The following BAZ2B variants were observed in gnomAD, a reference collection of about 807,000 sequenced individuals.
BAZ2B encodes the protein bromodomain adjacent to zinc finger domain 2B.
A neutral mutation model predicts 246.0 loss-of-function variants in BAZ2B; 91 were observed. The observed-to-expected ratio is 0.37, with a 90% CI of 0.31 to 0.44. BAZ2B has a LOEUF of 0.44. BAZ2B is among the 20% of genes least tolerant of loss of function. BAZ2B has a pLI of 1.00. For missense variants in BAZ2B, 2,332 were observed against 2,533.7 expected, an observed-to-expected ratio of 0.92 and a Z score of 1.71; for synonymous variants, 855 against 860.0, an observed-to-expected ratio of 0.99 and a Z score of 0.10.
intron 2 of BAZ2B, among the ~76,000 whole-genome samples, chr2:159,528,639 C>T (rs750031829): frequency 5.3e-4 from 80 of 149,666 alleles, no homozygotes; most frequent in African/African-American, 1.9e-3. Context: ...GCCAAGCTCG[C>T]GCCACTGTAC....
At chr2:159,487,780 T>C (rs1208870001) in intron 2 of BAZ2B, among the ~76,000 whole-genome samples, 2 of 142,388 alleles carry the variant, frequency 1.4e-5, no homozygotes, top group African/African-American at 5.2e-5. Flanking sequence ...TCCAATCAGA[T>C]AAAGAAAAAA....
At chr2:159,492,661 G>C (rs2080630381) in intron 2 of BAZ2B, among the ~76,000 whole-genome samples, 1 of 152,042 alleles carries the variant, frequency 6.6e-6, no homozygotes, top group South Asian at 2.1e-4. Context: ...AATATGACAA[G>C]AAAAACAGCA....
At position 159,575,832 on chromosome 2, in the gene BAZ2B, G is replaced by A. The variant is rs540098305; in HGVS notation, c.-45-19967C>T. On this transcript the variant is annotated intron_variant, in intron 1 of 36. Coordinates refer to ENST00000392783, the MANE Select transcript of BAZ2B (RefSeq NM_013450.4). ...TTTCAAAAGAAAAAAATTTTAACAT[G>A]ATTGAATATGAAATCTCCAAAAATA... 4.6e-5 allele frequency among the ~76,000 whole-genome samples: 7 copies of A among 152,188 alleles called. No homozygotes were observed. The South Asian group carries it at 1.5e-3, about 32-fold the overall frequency.
intron 8 of BAZ2B, among the ~76,000 whole-genome samples, chr2:159,436,467 G>A (rs1385527701): frequency 6.6e-6 from 1 of 152,172 alleles, no homozygotes; most frequent in Non-Finnish European, 1.5e-5. Flanking sequence ...ATCCATTTGG[G>A]GCCAGGTGTG....
chr2:159,368,802 C>A lies in BAZ2B; in HGVS notation c.4213+4243G>T, dbSNP rs141063693. ...GTCCAGAGAGGTTATGTAGAAGAGC[C>A]TGGATGGAAATGGAGGTCTAATATG... On this transcript the variant is annotated intron_variant, in intron 27 of 36. Coordinates refer to ENST00000392783, the MANE Select transcript of BAZ2B (RefSeq NM_013450.4). Among the ~76,000 whole-genome samples the A allele has an allele frequency of 5.9e-3, 858 of 144,942 alleles. 8 individuals are homozygous for A. Among genetic ancestry groups the A allele is most frequent in the Non-Finnish European group, 7.3e-3 (493 of 67,290 alleles).
chr2:159,676,059 C>G, the BAZ2B span, among the ~76,000 whole-genome samples: 1 of 152,238 alleles, frequency 6.6e-6, no homozygotes, highest in African/African-American at 2.4e-5. Flanking sequence ...CCGCACCCGG[C>G]TAATATTTGT....
At chr2:159,370,347 C>A (rs186403682) in intron 27 of BAZ2B, among the ~76,000 whole-genome samples, 1 of 145,678 alleles carries the variant, frequency 6.9e-6, no homozygotes. Context: ...AAAAAAAAAA[C>A]TGCTCTTAAG....
chr2:159,385,563 C>T (rs1041006553), intron 22 of BAZ2B, among the ~76,000 whole-genome samples, 194 bp from the exon 23 acceptor site: 1 of 151,732 alleles, frequency 6.6e-6, no homozygotes, highest in Non-Finnish European at 1.5e-5. Context: ...TTCTTTCTTT[C>T]CCCGCTTCAA....
chr2:159,361,422 A>C (rs1473637508), intron 27 of BAZ2B, among the ~76,000 whole-genome samples: 1 of 152,220 alleles, frequency 6.6e-6, no homozygotes, highest in African/African-American at 2.4e-5. Context: ...TGCCAGTTAG[A>C]ATGGCAATCA....
At chr2:159,581,097 C>T (rs1686655979) in intron 1 of BAZ2B, among the ~76,000 whole-genome samples, 1 of 152,022 alleles carries the variant, frequency 6.6e-6, no homozygotes, top group South Asian at 2.1e-4. Flanking sequence ...AGCTTCTGCA[C>T]AGCAAAAGAA....
At chr2:159,325,950 A>T (rs779496770) in intron 34 of BAZ2B, 32 bp from the exon 35 acceptor site, 4 of 1,528,902 alleles carry the variant, frequency 2.6e-6, no homozygotes, top group African/African-American at 2.8e-5. Context: ...AATGAGGTGT[A>T]AGAAAGTGAC....
In BAZ2B at chr2:159,446,882, T is replaced by G; in HGVS notation, c.596A>C (p.Gln199Pro). ...TCCACCTGAGCTTGTACTTTTAGTT[T>G]GTCCCATGGAACTTGAAGCAGTAGT... The part of the protein sequence containing the change: ...LSTTASSSMG[Q>P]TKSTSSGGGN... Residue 199 changes from glutamine (Q) to proline (P), a missense_variant, in exon 6 of 37, where the codon CAA (glutamine) becomes CCA (proline). Coordinates refer to ENST00000392783, the MANE Select transcript of BAZ2B (RefSeq NM_013450.4). The G allele has an allele frequency of 6.2e-7, 1 of 1,613,844 alleles. No homozygotes were observed. Among genetic ancestry groups the G allele is most frequent in the Non-Finnish European group, 8.5e-7 (1 of 1,179,852 alleles).
At chr2:159,565,555 GA>G (rs1264345683) in intron 1 of BAZ2B, among the ~76,000 whole-genome samples, 2 of 152,128 alleles carry the variant, frequency 1.3e-5, no homozygotes, top group Admixed American at 6.5e-5. Context: ...AAGGCGGGGG[GA>G]TCACGAGGTC....
chr2:159,489,270 A>G (rs1030445620), intron 2 of BAZ2B, among the ~76,000 whole-genome samples: 1 of 152,176 alleles, frequency 6.6e-6, no homozygotes, highest in African/African-American at 2.4e-5. Flanking sequence ...AGTAATCTGA[A>G]TAAAAAACTC....
At chr2:159,419,410 A>G (rs2068334053) in intron 13 of BAZ2B, among the ~76,000 whole-genome samples, 1 of 152,202 alleles carries the variant, frequency 6.6e-6, no homozygotes. Flanking sequence ...TGCCTTTTCA[A>G]TTTAGTATTA....
intron 2 of BAZ2B, among the ~76,000 whole-genome samples, chr2:159,536,929 T>C (rs1578179897): frequency 6.6e-6 from 1 of 152,336 alleles, no homozygotes; most frequent in East Asian, 1.9e-4. Flanking sequence ...AAATTTAATC[T>C]ATGTTTAATA....
At chr2:159,482,468 G>T (rs1473609833) in intron 2 of BAZ2B, among the ~76,000 whole-genome samples, 1 of 152,142 alleles carries the variant, frequency 6.6e-6, no homozygotes, top group Non-Finnish European at 1.5e-5. Context: ...TGTTTTTAAT[G>T]AGTGAGCATC....
chr2:159,383,233 T>C (rs1254571161), intron 24 of BAZ2B, among the ~76,000 whole-genome samples: 1 of 152,148 alleles, frequency 6.6e-6, no homozygotes, highest in Non-Finnish European at 1.5e-5. Flanking sequence ...TTTAGCTAGA[T>C]TCCGTAAAAG....
chr2:159,428,122 T>C, intron 12 of BAZ2B, 80 bp from the exon 13 acceptor site: 1 of 1,345,438 alleles, frequency 7.4e-7, no homozygotes, highest in Non-Finnish European at 1.1e-6. Context: ...TTCAGGACAC[T>C]AATGTTTTGC....
Sources: allele counts gnomAD v4.1 joint callset (sites outside exome capture counted in the v4.1 genomes callset), GRCh38; gene constraint gnomAD v4.1.1; transcripts MANE v1.5; gene names NCBI Gene and HGNC (gene_info 2026-07-23, HGNC 2026-07-21).